The following FAT3 variants were observed in gnomAD, a reference collection of about 807,000 sequenced individuals.
FAT3 encodes FAT atypical cadherin 3.
In FAT3, 95 loss-of-function variants were observed where a neutral mutation model predicts 310.2. The ratio of observed to expected loss-of-function variants is 0.31; its 90% CI spans 0.26 to 0.36. The LOEUF is 0.36. FAT3 is among the 10% of genes least tolerant of loss of function. The pLI is 1.00. For missense variants in FAT3, 5,408 were observed against 5,715.6 expected, an observed-to-expected ratio of 0.95 and a Z score of 1.74; for synonymous variants, 2,314 against 2,192.9, an observed-to-expected ratio of 1.06 and a Z score of -1.54.
At chr11:92,763,458 T>C (rs1216014927) in intron 5 of FAT3, among the ~76,000 whole-genome samples, 1 of 152,164 alleles carries the variant, frequency 6.6e-6, no homozygotes, top group African/African-American at 2.4e-5. Context: ...TTCAAGTGGA[T>C]ACTGTTGGTG....
At chr11:92,328,817 G>T (rs1947832231) in intron 1 of FAT3, among the ~76,000 whole-genome samples, 1 of 152,152 alleles carries the variant, frequency 6.6e-6, no homozygotes. Context: ...GAAGACAGAG[G>T]TGATGAATTG....
chr11:92,645,039 G>GT (rs71305392), intron 3 of FAT3, among the ~76,000 whole-genome samples: 23,469 of 152,074 alleles, frequency 0.15, 1,968 homozygotes, highest in African/African-American at 0.19. Context: ...TCCAAAAAGT[G>GT]TTTTTTTGAT....
At chr11:92,830,251 A>C (rs550200310) in intron 13 of FAT3, among the ~76,000 whole-genome samples, 1 of 152,370 alleles carries the variant, frequency 6.6e-6, no homozygotes, top group Non-Finnish European at 1.5e-5. Context: ...AAATCCTCTA[A>C]TGAAACCAGT....
At chr11:92,228,884 T>C (rs1864031193) in intron 1 of FAT3, among the ~76,000 whole-genome samples, 1 of 152,050 alleles carries the variant, frequency 6.6e-6, no homozygotes, top group Non-Finnish European at 1.5e-5. Flanking sequence ...CAGGTTTTTC[T>C]TTTTTTTCCT....
chr11:92,736,528 A>G (rs1282313437), intron 4 of FAT3, among the ~76,000 whole-genome samples: 2 of 152,276 alleles, frequency 1.3e-5, no homozygotes, highest in South Asian at 4.1e-4. Flanking sequence ...AGTAATGGCA[A>G]TTGACCCTTG....
intron 2 of FAT3, among the ~76,000 whole-genome samples, chr11:92,368,843 T>TATATATATATATATATATATATATATAC (rs1555025188): frequency 1.6e-4 from 23 of 145,900 alleles, no homozygotes; most frequent in Non-Finnish European, 3.1e-4. Context: ...CATATATATA[T>TATATATATATATATATATATATATATAC]ATATACACAC....
At chr11:92,310,246 TAC>T (rs1947263384) in intron 1 of FAT3, among the ~76,000 whole-genome samples, 1 of 152,184 alleles carries the variant, frequency 6.6e-6, no homozygotes, top group Non-Finnish European at 1.5e-5. Flanking sequence ...GATTGAAAAT[TAC>T]AGTGCATTTT....
At chr11:92,245,330 G>A (rs981310438) in intron 1 of FAT3, among the ~76,000 whole-genome samples, 7 of 151,870 alleles carry the variant, frequency 4.6e-5, no homozygotes, top group East Asian at 1.9e-4. Flanking sequence ...ATCACATACC[G>A]GGGCCTGTCG....
At chr11:92,790,869 C>T (rs1947023759) in intron 8 of FAT3, among the ~76,000 whole-genome samples, 1 of 152,140 alleles carries the variant, frequency 6.6e-6, no homozygotes, top group African/African-American at 2.4e-5. Flanking sequence ...AATTTATGGC[C>T]TGAAGTCTAT....
At chr11:92,604,410 A>G (rs1017369072) in intron 3 of FAT3, among the ~76,000 whole-genome samples, 2 of 152,226 alleles carry the variant, frequency 1.3e-5, no homozygotes, top group African/African-American at 4.8e-5. Context: ...TTGTGAAGAA[A>G]TAAATGACAC....
chr11:92,639,851 G>A (rs893367901), intron 3 of FAT3, among the ~76,000 whole-genome samples: 6 of 152,118 alleles, frequency 3.9e-5, no homozygotes, highest in African/African-American at 1.2e-4. Context: ...TTTCTGCAGT[G>A]GAAATATAAT....
chr11:92,373,028 G>A (rs867504067), intron 2 of FAT3, among the ~76,000 whole-genome samples: 1 of 152,108 alleles, frequency 6.6e-6, no homozygotes, highest in Non-Finnish European at 1.5e-5. Flanking sequence ...CTATTTTATG[G>A]AATGTACGTG....
chr11:92,870,245 C>T (rs947950140), intron 22 of FAT3, among the ~76,000 whole-genome samples: 1 of 152,168 alleles, frequency 6.6e-6, no homozygotes, highest in African/African-American at 2.4e-5. Flanking sequence ...CCCCAACCAT[C>T]TCTAAGCCCA....
At chr11:92,525,697 T>C (rs996399054) in intron 3 of FAT3, among the ~76,000 whole-genome samples, 4 of 152,142 alleles carry the variant, frequency 2.6e-5, no homozygotes, top group East Asian at 1.9e-4. Flanking sequence ...AGAGTTGTGA[T>C]GGATGGGGTT....
At chr11:92,393,902 T>G (rs1162377835) in intron 2 of FAT3, among the ~76,000 whole-genome samples, 1 of 152,150 alleles carries the variant, frequency 6.6e-6, no homozygotes, top group East Asian at 1.9e-4. Context: ...TACTGACTTG[T>G]TATGTTGTAA....
chr11:92,331,003 T>TGA (rs67328951), intron 1 of FAT3, among the ~76,000 whole-genome samples: 6,120 of 133,398 alleles, frequency 0.046, 178 homozygotes, highest in East Asian at 0.099. Flanking sequence ...TGTGTGTGTG[T>TGA]GAGAGAGAGA....
intron 3 of FAT3, among the ~76,000 whole-genome samples, chr11:92,643,618 A>T (rs1942041456): frequency 6.6e-6 from 1 of 152,218 alleles, no homozygotes; most frequent in African/African-American, 2.4e-5. Context: ...CTGTACAAAT[A>T]TTAAGGTGCT....
rs1195515954 is a variant in FAT3 at position 92,367,131 on chromosome 11, G to A, written c.3292+11727G>A. 1.2e-5 allele frequency: 5 copies of A among 409,952 alleles called. No homozygotes were observed. In the Admixed American group the frequency reaches 1.3e-4, roughly 10 times the overall value. The allele number at this position is 409,952 out of a possible 1,614,324, so 25.4% of individuals were successfully genotyped here. A position where few individuals can be genotyped will look rare whatever the true frequency, so the allele number is the denominator to read the frequency against. Reference sequence around the variant, plus strand: ...CAGCGTCTCCCAGTGCCTGCCTGTAGCACTTTGCCTTCTCGTGGCCTGCTG... The same window carrying A: ...CAGCGTCTCCCAGTGCCTGCCTGTAACACTTTGCCTTCTCGTGGCCTGCTG... On this transcript the variant is annotated intron_variant, in intron 2 of 27. Coordinates refer to ENST00000525166, the MANE Select transcript of FAT3 (RefSeq NM_001367949.2).
chr11:92,858,235 C>CA (rs777896464), intron 20 of FAT3, among the ~76,000 whole-genome samples: 8 of 152,170 alleles, frequency 5.3e-5, no homozygotes, highest in Non-Finnish European at 1.2e-4. Context: ...AATGGAGCTG[C>CA]AATTAAGTAA....
Sources: allele counts gnomAD v4.1 joint callset (sites outside exome capture counted in the v4.1 genomes callset), GRCh38; gene constraint gnomAD v4.1.1; transcripts MANE v1.5; gene names NCBI Gene and HGNC (gene_info 2026-07-23, HGNC 2026-07-21).